The following M6PR variants were observed in gnomAD, a reference collection of about 807,000 sequenced individuals.
M6PR encodes mannose-6-phosphate receptor, cation dependent, also known as cation-dependent mannose-6-phosphate receptor.
In M6PR, 19 loss-of-function variants were observed where a neutral mutation model predicts 33.1. The observed-to-expected ratio is 0.57, with a 90% CI of 0.40 to 0.84. M6PR has a LOEUF of 0.84. M6PR is among the 40% of genes least tolerant of loss of function. The probability of loss-of-function intolerance (pLI) is 0.00; values close to 1 mark genes in which losing one functional copy is unlikely to be tolerated. For synonymous variants in M6PR, 111 were observed against 123.4 expected (o/e 0.90, Z 0.67); for missense variants, 295 against 336.0 (o/e 0.88, Z 0.95).
At chr12:8,948,506 G>T (rs1946137884) in intron 1 of M6PR, among the ~76,000 whole-genome samples, 1 of 152,164 alleles carries the variant, frequency 6.6e-6, no homozygotes, top group Non-Finnish European at 1.5e-5. Context: ...ACATAGGGGT[G>T]CAACAATCAG....
intron 5 of M6PR, 63 bp downstream of exon 5, chr12:8,943,342 T>C (rs1946051500): frequency 6.3e-7 from 1 of 1,592,660 alleles, no homozygotes; most frequent in Non-Finnish European, 8.6e-7. Context: ...TACCACCATA[T>C]AGTTACTGAC....
intron 3 of M6PR, 32 bp from the exon 4 acceptor site, chr12:8,943,942 G>T: frequency 6.8e-7 from 1 of 1,463,446 alleles, no homozygotes. Context: ...GGAGCTATGG[G>T]GTGGGGGAAA....
At chr12:8,948,051 C>T (rs895780250) in intron 1 of M6PR, among the ~76,000 whole-genome samples, 43 of 152,306 alleles carry the variant, frequency 2.8e-4, no homozygotes, top group African/African-American at 1.0e-3. Flanking sequence ...TCCAGTCTCT[C>T]AGGACCTAAT....
Position 8,941,619 on chromosome 12 carries a change from T to A in M6PR, c.*199A>T. 1 of 603,304 alleles carries A rather than the reference T, an allele frequency of 1.7e-6. No homozygotes were observed. 37.4% of individuals were successfully genotyped at this position (603,304 alleles called of 1,614,324 possible). ...ATTAACTCTGACTTACAACTGTACC[T>A]CTCTAGAGAAAAAACAGAAAATAAG... On this transcript the variant is annotated 3_prime_UTR_variant, in exon 7 of 7. Coordinates refer to ENST00000000412, the MANE Select transcript of M6PR (RefSeq NM_002355.4).
At position 8,940,519 on chromosome 12, in the gene M6PR, C is replaced by T; in HGVS notation, c.*1299G>A. 1 of 115,616 alleles carries T rather than the reference C, an allele frequency of 8.6e-6. No homozygotes were observed. The highest frequency in any genetic ancestry group is 1.8e-5 in the Non-Finnish European group (1 of 54,534). 7.2% of individuals were successfully genotyped at this position (115,616 alleles called of 1,614,324 possible). On this transcript the variant is annotated 3_prime_UTR_variant, in exon 7 of 7. Transcript: ENST00000000412. ...TTTCCCTGTTTAGAAAGAAAAAAAT[C>T]ACTCCAATAGTATTGAAAAGTCCAA...
intron 4 of M6PR, 124 bp downstream of exon 4, chr12:8,943,677 A>C: frequency 2.3e-6 from 3 of 1,331,750 alleles, no homozygotes; most frequent in Non-Finnish European, 3.2e-6. Flanking sequence ...ACACAGAGAG[A>C]AACTGAGCTC....
chr12:8,946,066 T>A (rs1433764908), intron 2 of M6PR, among the ~76,000 whole-genome samples, 163 bp downstream of exon 2: 3 of 152,252 alleles, frequency 2.0e-5, no homozygotes, highest in Admixed American at 1.3e-4. Context: ...TGGAAATAGC[T>A]ACACTTCTGT....
At chr12:8,942,052 T>G (rs1174776429) in intron 6 of M6PR, 112 bp from the exon 7 acceptor site, 1 of 1,182,254 alleles carries the variant, frequency 8.5e-7, no homozygotes, top group Non-Finnish European at 1.2e-6. Flanking sequence ...ATAGGGATAA[T>G]GAGAAAACCT....
At chr12:8,945,046 T>A (rs939445119) in intron 3 of M6PR, among the ~76,000 whole-genome samples, 1 of 152,194 alleles carries the variant, frequency 6.6e-6, no homozygotes, top group Non-Finnish European at 1.5e-5. Context: ...TAGTCCCAGC[T>A]ACTCAGGAGG....
chr12:8,943,804 T>C lies in M6PR; in HGVS notation c.450A>G (p.Leu150=), dbSNP rs759584808. Residue 150 remains leucine, a synonymous_variant, in exon 4 of 7, where the codon CTA becomes CTG. Coordinates refer to ENST00000000412, the MANE Select transcript of M6PR (RefSeq NM_002355.4). The part of the protein sequence containing the change: ...VVMISCNRHT[L]ADNFNPVSEE... Reference sequence around the variant, plus strand: ...TATACAACACAGGGTGCCTCACCGCTAGGGTGTGTCGATTGCAGGAGATCA... The same window carrying C: ...TATACAACACAGGGTGCCTCACCGCCAGGGTGTGTCGATTGCAGGAGATCA... 4 of 1,612,238 alleles carry C rather than the reference T, an allele frequency of 2.5e-6. No homozygotes were observed. Among genetic ancestry groups the C allele is most frequent in the Non-Finnish European group, 3.4e-6 (4 of 1,179,760 alleles).
intron 2 of M6PR, 116 bp downstream of exon 2, chr12:8,946,111 CTG>C (rs1250093535): frequency 1.0e-6 from 1 of 996,468 alleles, no homozygotes; most frequent in Non-Finnish European, 1.5e-6. Context: ...CAACTAAAAA[CTG>C]GGCTGAGAAT....
In M6PR at chr12:8,943,922, CAAGG is replaced by C; in HGVS notation, c.344-16_344-13del. 1 of 1,574,988 alleles carries C rather than the reference CAAGG, an allele frequency of 6.3e-7. No homozygotes were observed. Among genetic ancestry groups the C allele is most frequent in the South Asian group, 1.1e-5 (1 of 90,338 alleles). ...CATGATCCAATTACCTGAGGAGGGA[CAAGG>C]AAAATGGAGCTATGGGGTGGGGGAA... On this transcript the variant is annotated splice_polypyrimidine_tract_variant and intron_variant, in intron 3 of 6. Coordinates refer to ENST00000000412, the MANE Select transcript of M6PR (RefSeq NM_002355.4).
intron 1 of M6PR, 154 bp from the exon 2 acceptor site, chr12:8,946,559 T>A (rs1592224469): frequency 1.8e-6 from 1 of 558,036 alleles, no homozygotes; most frequent in Non-Finnish European, 3.1e-6. Context: ...CATTTTAATA[T>A]CTCTGTAACA....
intron 1 of M6PR, chr12:8,946,718 C>G (rs1404250720): frequency 3.2e-5 from 7 of 218,104 alleles, no homozygotes; most frequent in Non-Finnish European, 1.8e-5. Flanking sequence ...ATCCTTGCCT[C>G]TTTACTGTTT....
At chr12:8,945,943 T>TAA (rs1398653298) in intron 2 of M6PR, among the ~76,000 whole-genome samples, 10 of 152,338 alleles carry the variant, frequency 6.6e-5, no homozygotes, top group Admixed American at 6.5e-4. Context: ...TCCTGACACT[T>TAA]ATAATGACAT....
At chr12:8,943,082 T>C (rs1258239819) in intron 5 of M6PR, among the ~76,000 whole-genome samples, 2 of 152,084 alleles carry the variant, frequency 1.3e-5, no homozygotes, top group Non-Finnish European at 2.9e-5. Flanking sequence ...GCCTCCCAAG[T>C]AGCTGGGATT....
chr12:8,948,220 C>T (rs1446269242), intron 1 of M6PR, among the ~76,000 whole-genome samples: 1 of 152,176 alleles, frequency 6.6e-6, no homozygotes, highest in Non-Finnish European at 1.5e-5. Flanking sequence ...ATACTGTATT[C>T]TTCTTTCCTG....
chr12:8,943,670 C>G (rs1946057297), intron 4 of M6PR, 131 bp downstream of exon 4: 1 of 1,348,406 alleles, frequency 7.4e-7, no homozygotes, highest in Non-Finnish European at 1.1e-6. Context: ...GTGTCTGACA[C>G]AGAGAGAAAC....
intron 4 of M6PR, 86 bp downstream of exon 4, chr12:8,943,715 A>G (rs1946057998): frequency 7.4e-7 from 1 of 1,354,516 alleles, no homozygotes; most frequent in East Asian, 2.3e-5. Flanking sequence ...ATCCCAACGT[A>G]TCGTGTCCCC....
Sources: allele counts gnomAD v4.1 joint callset (sites outside exome capture counted in the v4.1 genomes callset), GRCh38; gene constraint gnomAD v4.1.1; transcripts MANE v1.5; gene names NCBI Gene and HGNC (gene_info 2026-07-23, HGNC 2026-07-21).